NSF: variants seen among roughly 807,000 people sequenced by gnomAD.
NSF encodes vesicle-fusing ATPase.
In NSF, 14 loss-of-function variants were observed where a neutral mutation model predicts 50.3. That is an observed-to-expected ratio of 0.28 (90% CI 0.18 to 0.44). The LOEUF is 0.44. Ranked by LOEUF, NSF falls within the 20% of genes least tolerant of loss-of-function variation. The probability of loss-of-function intolerance (pLI) is 1.00; values close to 1 mark genes in which losing one functional copy is unlikely to be tolerated. For synonymous variants in NSF, 109 were observed against 175.7 expected (o/e 0.62, Z 3.00); for missense variants, 218 against 504.3 (o/e 0.43, Z 5.44).
At chr17:46,755,537 G>A in intron 20 of NSF, 168 bp downstream of exon 20, 2 of 711,526 alleles carry the variant, frequency 2.8e-6, no homozygotes, top group Non-Finnish European at 4.8e-6. Flanking sequence ...TGTACTGTTG[G>A]TTTGCTCTCC....
chr17:46,599,370 TA>T (rs758086907), intron 1 of NSF, among the ~76,000 whole-genome samples: 46 of 59,690 alleles, frequency 7.7e-4, no homozygotes, highest in Non-Finnish European at 9.4e-4. Flanking sequence ...ATTTCCAACT[TA>T]TTTTTTTTTA....
At chr17:46,684,410 C>T (rs1392117838) in intron 9 of NSF, among the ~76,000 whole-genome samples, 2 of 151,430 alleles carry the variant, frequency 1.3e-5, no homozygotes, top group African/African-American at 4.9e-5. Flanking sequence ...CTATTGTGAA[C>T]AGTGCCTCAA....
chr17:46,722,235 A>C (rs2058838906), intron 15 of NSF: 3 of 1,238,176 alleles, frequency 2.4e-6, no homozygotes, highest in Non-Finnish European at 3.6e-6. Flanking sequence ...GAGCACGTCA[A>C]AATCCCTACA....
chr17:46,615,550 C>T (rs1377566850), intron 1 of NSF, among the ~76,000 whole-genome samples: 2 of 8,742 alleles, frequency 2.3e-4, no homozygotes, highest in Non-Finnish European at 1.8e-4. Context: ...AACCCCATCT[C>T]TACAAAAAAT....
intron 1 of NSF, among the ~76,000 whole-genome samples, chr17:46,605,699 T>A: frequency 1.6e-5 from 1 of 61,778 alleles, no homozygotes; most frequent in Non-Finnish European, 3.1e-5. Flanking sequence ...GAAATTCAGA[T>A]CAATTTCCTG....
In NSF at chr17:46,609,201, T is replaced by C. The variant is rs2057981288; in HGVS notation, c.13-15043T>C. ...ACCTAACTGTTGGTTACCCTGGGTG[T>C]GTTCACTTGTAGAAATTCATTGAGC... On this transcript the variant is annotated intron_variant, in intron 1 of 20. Transcript: ENST00000398238. Among the ~76,000 whole-genome samples, 3 of 148,592 alleles carry C rather than the reference T, an allele frequency of 2.0e-5. No homozygotes were observed. In the South Asian group the frequency reaches 6.3e-4, roughly 31 times the overall value.
chr17:46,709,954 G>A (rs2058702641), intron 13 of NSF, among the ~76,000 whole-genome samples: 1 of 152,188 alleles, frequency 6.6e-6, no homozygotes, highest in African/African-American at 2.4e-5. Context: ...TACGTAAAAA[G>A]TGGTCTGAAA....
intron 9 of NSF, among the ~76,000 whole-genome samples, chr17:46,681,687 TG>T (rs1400806794): frequency 1.2e-5 from 1 of 84,906 alleles, no homozygotes; most frequent in Non-Finnish European, 2.1e-5. Context: ...GTCTGCTTGT[TG>T]GGTCCTTAAT....
intron 1 of NSF, among the ~76,000 whole-genome samples, chr17:46,607,979 G>A (rs1416336313): frequency 7.6e-6 from 1 of 131,810 alleles, no homozygotes; most frequent in Non-Finnish European, 1.5e-5. Context: ...AGACACCATT[G>A]AGGAGAAAGA....
Position 46,704,793 on chromosome 17 carries a change from C to T in NSF, c.1409C>T (p.Ala470Val), listed in dbSNP as rs746825863. ...STKVEVDMEK[A>V]ESLQVTRGDF... ...AAAGTGGAAGTGGACATGGAGAAAG[C>T]AGAAAGCCTGCAAGTGACGAGAGGA... Residue 470 changes from alanine to valine, a missense_variant, in exon 13 of 21, where the codon GCA (alanine) becomes GTA (valine). Physicochemically the swap from Ala to Val is moderately conservative, Grantham distance 64. Around this residue, in one of 2 missense-constraint regions of NSF, gnomAD observed 9 missense variants for 183.4 expected, o/e 0.05. Coordinates refer to ENST00000398238, the MANE Select transcript of NSF (RefSeq NM_006178.4). The T allele has an allele frequency of 2.0e-5, 32 of 1,606,342 alleles. No individual in the cohort carries two copies. The highest frequency in any genetic ancestry group is 2.5e-5 in the Non-Finnish European group (30 of 1,178,112).
At chr17:46,713,150 T>C (rs1164202893) in intron 14 of NSF, 2 of 152,218 alleles carry the variant, frequency 1.3e-5, no homozygotes, top group African/African-American at 4.8e-5. Flanking sequence ...TTTTTTGTTG[T>C]TATGTATTAA....
chr17:46,598,325 TACC>T (rs2057880608), intron 1 of NSF, among the ~76,000 whole-genome samples: 1 of 133,332 alleles, frequency 7.5e-6, no homozygotes, highest in Admixed American at 7.7e-5. Context: ...CATCAGAAGA[TACC>T]ACTACCTTCC....
At chr17:46,746,828 A>C (rs1326897578) in intron 17 of NSF, among the ~76,000 whole-genome samples, 2 of 152,166 alleles carry the variant, frequency 1.3e-5, no homozygotes, top group Admixed American at 1.3e-4. Context: ...TAAAATGGGG[A>C]TAGTAGTAGT....
At chr17:46,736,797 G>A (rs2059010430) in intron 17 of NSF, among the ~76,000 whole-genome samples, 2 of 152,142 alleles carry the variant, frequency 1.3e-5, no homozygotes, top group South Asian at 4.1e-4. Context: ...TATGACTTAA[G>A]ATTTAATTGA....
intron 8 of NSF, among the ~76,000 whole-genome samples, chr17:46,667,371 C>T (rs2058344764): frequency 6.8e-6 from 1 of 146,552 alleles, no homozygotes; most frequent in South Asian, 2.2e-4. Context: ...AAAACACTGT[C>T]CTTTAACCTG....
At chr17:46,732,092 T>G (rs553365652) in intron 17 of NSF, among the ~76,000 whole-genome samples, 11 of 152,208 alleles carry the variant, frequency 7.2e-5, no homozygotes, top group Non-Finnish European at 1.5e-4. Context: ...ATTGTAGAAA[T>G]GCATAGAGTG....
At chr17:46,675,617 TAGAG>T (rs1378624292) in intron 9 of NSF, among the ~76,000 whole-genome samples, 1 of 134,706 alleles carries the variant, frequency 7.4e-6, no homozygotes, top group Non-Finnish European at 1.5e-5. Context: ...TACATATTCA[TAGAG>T]ATTTATCATA....
intron 17 of NSF, among the ~76,000 whole-genome samples, chr17:46,748,619 A>G (rs2059154024): frequency 6.6e-6 from 1 of 152,210 alleles, no homozygotes. Context: ...CAGAAGAGAG[A>G]GGAAAGCTCC....
chr17:46,638,543 A>G (rs1381476483), intron 5 of NSF, among the ~76,000 whole-genome samples: 1 of 43,468 alleles, frequency 2.3e-5, no homozygotes, highest in Non-Finnish European at 3.5e-5. Flanking sequence ...ACACCCGACT[A>G]ATTTTGTACT....
Sources: allele counts gnomAD v4.1 joint callset (sites outside exome capture counted in the v4.1 genomes callset), GRCh38; gene constraint gnomAD v4.1.1; regional missense constraint gnomAD v4.1.1; transcripts MANE v1.5; gene names NCBI Gene and HGNC (gene_info 2026-07-23, HGNC 2026-07-21).